The following RIPOR3 variants were observed in gnomAD, a reference collection of about 807,000 sequenced individuals.
The protein encoded by RIPOR3 is family with sequence similarity 65 member C.
A neutral mutation model predicts 114.3 loss-of-function variants in RIPOR3; 95 were observed. The ratio of observed to expected loss-of-function variants is 0.83; its 90% CI spans 0.70 to 0.99. The LOEUF (loss-of-function observed/expected upper bound fraction) is 0.99, where lower values mean the gene tolerates loss of function less well. RIPOR3 is among the 50% of genes least tolerant of loss of function. RIPOR3 has a pLI of 0.00. For synonymous variants in RIPOR3, 575 were observed against 543.8 expected (o/e 1.06, Z -0.80); for missense variants, 1,252 against 1,266.9 (o/e 0.99, Z 0.18).
Position 50,595,449 on chromosome 20 carries a change from ACTT to A in RIPOR3, c.1967_1969del (p.Glu656del). 6.2e-7 allele frequency: 1 copy of A among 1,614,116 alleles called. No homozygotes were observed. The highest frequency in any genetic ancestry group is 8.5e-7 in the Non-Finnish European group (1 of 1,180,008). ...CTCCAGAACGTGCTTTTGCTGTGCC[ACTT>A]CTTCCAGGAGGCATTCCTGGACCAG... On this transcript the variant is annotated inframe_deletion, in exon 16 of 22. Coordinates refer to ENST00000327979, the MANE Select transcript of RIPOR3 (RefSeq NM_001290268.2).
At chr20:50,642,379 A>G (rs575531780) in intron 1 of RIPOR3, among the ~76,000 whole-genome samples, 1 of 141,052 alleles carries the variant, frequency 7.1e-6, no homozygotes, top group Admixed American at 7.1e-5. Flanking sequence ...TGTGTGTGTG[A>G]GAGAGAGAGA....
rs776497848 is a variant in RIPOR3, at chr20:50,602,616, G to T, written c.1115C>A (p.Ala372Asp). The change falls in exon 13 of 22, where the codon GCC (alanine) becomes GAC (aspartate). Residue 372 changes from alanine to aspartate, a missense_variant. Physicochemically the swap from Ala to Asp is moderately radical, Grantham distance 126 (BLOSUM62 -2). Coordinates refer to ENST00000327979, the MANE Select transcript of RIPOR3 (RefSeq NM_001290268.2). This position sits in a 1 kb window ranked among gnomAD's most constrained non-coding sequence, Gnocchi z 4.3. ...GGCCCTTGGGCCACCCAGCAGCAAG[G>T]CCTGCTGTGTTGGCTGCTGTAGGAC... ...LSVLQQPTQQALLLGGPRATS... is the reference protein window; with the variant it reads ...LSVLQQPTQQDLLLGGPRATS... 3.3e-6 allele frequency: 5 copies of T among 1,509,194 alleles called. No individual in the cohort carries two copies. The African/African-American group carries it at 4.2e-5, about 13-fold the overall frequency. The allele number at this position is 1,509,194 out of a possible 1,614,324, so 93.5% of individuals were successfully genotyped here.
chr20:50,666,689 T>C (rs2086260073), intron 1 of RIPOR3, among the ~76,000 whole-genome samples: 2 of 152,094 alleles, frequency 1.3e-5, no homozygotes, highest in Admixed American at 1.3e-4. Context: ...GCCTCCCAAG[T>C]AGCTGGGACT....
chr20:50,605,984 G>T, intron 11 of RIPOR3, among the ~76,000 whole-genome samples: 1 of 151,640 alleles, frequency 6.6e-6, no homozygotes, highest in Non-Finnish European at 1.5e-5. Context: ...TGGGTGGATC[G>T]CCTGAGGTCA....
At chr20:50,648,168 C>T (rs954698326) in intron 1 of RIPOR3, among the ~76,000 whole-genome samples, 7 of 151,560 alleles carry the variant, frequency 4.6e-5, no homozygotes, top group African/African-American at 1.5e-4. Context: ...CCCAGCTACT[C>T]GGGAGACTGA....
chr20:50,672,523 A>G (rs2086550826), intron 1 of RIPOR3, among the ~76,000 whole-genome samples: 2 of 152,088 alleles, frequency 1.3e-5, no homozygotes, highest in Admixed American at 1.3e-4. Flanking sequence ...AGACAAACCA[A>G]CCAACAGCCA....
Position 50,619,988 on chromosome 20 carries a change from G to C in RIPOR3, c.267C>G (p.Leu89=). Residue 89 remains leucine, a splice_region_variant and synonymous_variant, in exon 3 of 22, where the codon CTC becomes CTG. Transcript: ENST00000327979. ...GGCAGCACACAGCCCAGCCTTACTT[G>C]AGGCCTCTTTTCAATGCTTCGAAGA... ...KKIFEALKRG[L]KEYLCVQQAE... 6.2e-7 allele frequency: 1 copy of C among 1,611,612 alleles called. No homozygotes were observed. Among genetic ancestry groups the C allele is most frequent in the South Asian group, 1.1e-5 (1 of 91,004 alleles).
chr20:50,588,809 G>A lies in RIPOR3; in HGVS notation c.2661+877C>T, dbSNP rs188995889. On this transcript the variant is annotated intron_variant, in intron 20 of 21. Coordinates refer to ENST00000327979, the MANE Select transcript of RIPOR3 (RefSeq NM_001290268.2). ...AAATAAAGAATTCTAGGCCGGGCGC[G>A]GTGGCTCATGCCTGTAATCCCAGCA... Among the ~76,000 whole-genome samples the A allele has an allele frequency of 1.5e-4, 22 of 150,964 alleles. 1 individual carries two copies. The highest frequency in any genetic ancestry group is 1.3e-3 in the Admixed American group (20 of 15,204).
intron 1 of RIPOR3, among the ~76,000 whole-genome samples, chr20:50,656,011 T>G (rs1028782864): frequency 1.3e-5 from 2 of 152,052 alleles, no homozygotes; most frequent in African/African-American, 4.8e-5. Flanking sequence ...TTTTTTTCTT[T>G]TTTTCTTTTT....
intron 3 of RIPOR3, among the ~76,000 whole-genome samples, chr20:50,617,812 C>T (rs1424932432): frequency 7.3e-5 from 11 of 151,458 alleles, no homozygotes; most frequent in South Asian, 2.1e-4. Context: ...TTAGTAGAGA[C>T]GGGGTTTCAC....
chr20:50,663,116 A>AAAAAT (rs2086056890), intron 1 of RIPOR3, among the ~76,000 whole-genome samples: 1 of 145,926 alleles, frequency 6.9e-6, no homozygotes, highest in Non-Finnish European at 1.5e-5. Flanking sequence ...AAAAAAAAAA[A>AAAAAT]GTTTTCAAAC....
chr20:50,665,421 CTTTT>C (rs11471486), intron 1 of RIPOR3, among the ~76,000 whole-genome samples: 1 of 107,854 alleles, frequency 9.3e-6, no homozygotes. Context: ...CCCCCTCTTC[CTTTT>C]TTTTTTTTTT....
chr20:50,608,348 C>G (rs2123047822), intron 11 of RIPOR3, 41 bp downstream of exon 11: 1 of 1,610,240 alleles, frequency 6.2e-7, no homozygotes, highest in East Asian at 2.2e-5. Context: ...CCAGGGGCAG[C>G]CAGCCAGGCC....
In RIPOR3 at chr20:50,592,343, C is replaced by G. The variant is rs757361174; in HGVS notation, c.2577+1G>C. 3 of 1,568,052 alleles carry G rather than the reference C, an allele frequency of 1.9e-6. No homozygotes were observed. In the African/African-American group the frequency reaches 4.1e-5, roughly 21 times the overall value. ...TCTGCCACCTGCCCTGGACAACGTA[C>G]CTTTTCCCGGAAGCTTCTGTTCCTG... On this transcript the variant is annotated splice_donor_variant, in intron 19 of 21. Coordinates refer to ENST00000327979, the MANE Select transcript of RIPOR3 (RefSeq NM_001290268.2). LOFTEE classifies it high-confidence loss of function.
chr20:50,652,265 C>T (rs1007249016), intron 1 of RIPOR3, among the ~76,000 whole-genome samples: 1 of 152,076 alleles, frequency 6.6e-6, no homozygotes, highest in Non-Finnish European at 1.5e-5. Context: ...CTCCCAGGCT[C>T]CAAACCCTGA....
Position 50,602,739 on chromosome 20 carries a change from T to G in RIPOR3, c.1087-95A>C. The G allele has an allele frequency of 1.0e-6, 1 of 956,170 alleles. No individual in the cohort carries two copies. The highest frequency in any genetic ancestry group is 1.4e-6 in the Non-Finnish European group (1 of 703,018). The allele number at this position is 956,170 out of a possible 1,614,324, so 59.2% of individuals were successfully genotyped here. ...TCCCCTGACAGACACCCGCTGTGCA[T>G]GCCCATGTTCTCAGGATGACTGAGG... is the stretch of plus-strand genomic sequence containing the variant. On this transcript the variant is annotated intron_variant, in intron 12 of 21. Coordinates refer to ENST00000327979, the MANE Select transcript of RIPOR3 (RefSeq NM_001290268.2). This position sits in a 1 kb window ranked among gnomAD's most constrained non-coding sequence, Gnocchi z 4.3.
chr20:50,625,482 C>A (rs1202841109), intron 2 of RIPOR3, among the ~76,000 whole-genome samples: 1 of 152,236 alleles, frequency 6.6e-6, no homozygotes, highest in African/African-American at 2.4e-5. Context: ...TCGCCTCTGG[C>A]TCCAGAGTCT....
At chr20:50,680,587 C>T (rs896231770) in intron 1 of RIPOR3, among the ~76,000 whole-genome samples, 11 of 152,256 alleles carry the variant, frequency 7.2e-5, no homozygotes, top group African/African-American at 2.4e-4. Context: ...GTGCAGCCGC[C>T]TGTGCGAGGC....
In RIPOR3 at chr20:50,617,462, T is replaced by A. The variant is rs570821103; in HGVS notation, c.270-1382A>T. Among the ~76,000 whole-genome samples the A allele has an allele frequency of 4.6e-5, 7 of 152,164 alleles. No homozygotes were observed. In the East Asian group the frequency reaches 1.4e-3, roughly 30 times the overall value. On this transcript the variant is annotated intron_variant, in intron 3 of 21. Transcript: ENST00000327979. The stretch of plus-strand genomic sequence containing the variant: ...TGCACAATCCCAGCTTGCTGCAGCC[T>A]CCACCTCTACAGGATTTTGCCATAT...
Sources: gnomAD v4.1 joint callset for allele counts (sites outside exome capture counted in the v4.1 genomes callset) on GRCh38, gnomAD v4.1.1 for gene constraint, Gnocchi (gnomAD v3.1) non-coding constraint, MANE v1.5 for transcripts, NCBI Gene and HGNC (gene_info 2026-07-23, HGNC 2026-07-21) for gene names.